EHMT1: variants seen among roughly 807,000 people sequenced by gnomAD.
The protein encoded by EHMT1 is euchromatic histone lysine methyltransferase 1.
In EHMT1, 15 loss-of-function variants were observed where a neutral mutation model predicts 147.2. That is an observed-to-expected ratio of 0.10 (90% CI 0.07 to 0.16). The LOEUF is 0.16. EHMT1 is among the 10% of genes least tolerant of loss of function. EHMT1 has a pLI of 1.00. For synonymous variants in EHMT1, 795 were observed against 709.6 expected (o/e 1.12, Z -1.91); for missense variants, 1,587 against 1,772.4 (o/e 0.90, Z 1.88).
At chr9:137,724,667 A>C (rs894231141) in intron 3 of EHMT1, among the ~76,000 whole-genome samples, 1 of 152,202 alleles carries the variant, frequency 6.6e-6, no homozygotes, top group African/African-American at 2.4e-5. Context: ...CACCAGCTGA[A>C]GGGGAGAGCC....
intron 1 of EHMT1, chr9:137,641,535 C>T (rs1264741905): frequency 2.8e-6 from 1 of 356,724 alleles, no homozygotes; most frequent in South Asian, 2.3e-5. Flanking sequence ...GGAATCAATT[C>T]TCATCTGCCC....
intron 5 of EHMT1, 21 bp from the exon 6 acceptor site, chr9:137,743,881 A>T: frequency 8.1e-6 from 13 of 1,601,638 alleles, no homozygotes; most frequent in Non-Finnish European, 1.1e-5. Flanking sequence ...GCCTTGGGGT[A>T]TACACCTGCC....
At chr9:137,691,163 TC>T (rs1306413459) in intron 1 of EHMT1, among the ~76,000 whole-genome samples, 2 of 152,050 alleles carry the variant, frequency 1.3e-5, no homozygotes, top group African/African-American at 4.8e-5. Flanking sequence ...ACTTGGACTA[TC>T]TAGGGACCTT....
At position 137,776,574 on chromosome 9, in the gene EHMT1, A is replaced by AC; in HGVS notation, c.1792-40dup. 1 of 1,597,568 alleles carries AC rather than the reference A, an allele frequency of 6.3e-7. No homozygotes were observed. Among genetic ancestry groups the AC allele is most frequent in the Non-Finnish European group, 8.6e-7 (1 of 1,165,950 alleles). ...TAGTACTTTATTTTTCTAAATATTA[A>AC]CCCCAATTAAAACAAAAATTTTTTT... On this transcript the variant is annotated intron_variant, in intron 11 of 26. Transcript: ENST00000460843. This position sits in a 1 kb window ranked among gnomAD's most constrained non-coding sequence, Gnocchi z 4.4.
rs1277240810 is a variant in EHMT1 at position 137,793,734 on chromosome 9, T to C, written c.2505+2764T>C. On this transcript the variant is annotated intron_variant, in intron 16 of 26. Coordinates refer to ENST00000460843, the MANE Select transcript of EHMT1 (RefSeq NM_024757.5). ...TAAAAAGTAATGAAATTTTGACCTA[T>C]GAACAGCATGGATGGACCTCGAGGA... 2.6e-5 allele frequency among the ~76,000 whole-genome samples: 4 copies of C among 152,142 alleles called. No individual in the cohort carries two copies. The East Asian group carries it at 5.8e-4, about 22-fold the overall frequency.
chr9:137,697,439 C>G (rs1052985784), intron 1 of EHMT1, among the ~76,000 whole-genome samples: 4 of 152,180 alleles, frequency 2.6e-5, no homozygotes, highest in Non-Finnish European at 4.4e-5. Context: ...GATCGGCCGG[C>G]CTGGCCTTGT....
intron 7 of EHMT1, among the ~76,000 whole-genome samples, chr9:137,753,653 G>T (rs776158957): frequency 6.6e-6 from 1 of 152,256 alleles, no homozygotes; most frequent in Non-Finnish European, 1.5e-5. Context: ...GTGCATCCGT[G>T]TGTGACATGT....
chr9:137,781,734 CT>C (rs1829233248), intron 14 of EHMT1, among the ~76,000 whole-genome samples: 2 of 152,320 alleles, frequency 1.3e-5, no homozygotes, highest in South Asian at 4.1e-4. Context: ...AAGCCCTTTA[CT>C]GGACAGTACG....
intron 1 of EHMT1, among the ~76,000 whole-genome samples, chr9:137,693,581 CA>C (rs1943124064): frequency 6.6e-6 from 1 of 150,634 alleles, no homozygotes; most frequent in Non-Finnish European, 1.5e-5. Context: ...ACCCCCCACA[CA>C]GTGGCACAGG....
chr9:137,800,893 G>T lies in EHMT1; in HGVS notation c.2621G>T (p.Trp874Leu). 6.2e-7 allele frequency: 1 copy of T among 1,614,100 alleles called. No homozygotes were observed. The highest frequency in any genetic ancestry group is 8.5e-7 in the Non-Finnish European group (1 of 1,180,016). Residue 874 changes from tryptophan to leucine, a missense_variant, in exon 18 of 27, where the codon TGG becomes TTG. By Grantham distance (61) the Trp-to-Leu change is moderately conservative. Transcript: ENST00000460843. ...MDVNCQDDGG[W>L]TPMIWATEYK... is the part of the protein sequence containing the mutation. ...CTTCCCTGGCAGGATGACGGAGGCT[G>T]GACACCCATGATCTGGGCCACAGAG...
chr9:137,717,316 G>A (rs1468327651), intron 3 of EHMT1, 134 bp downstream of exon 3: 2 of 1,201,988 alleles, frequency 1.7e-6, no homozygotes, highest in Non-Finnish European at 2.4e-6. Context: ...GAGGAGCTAG[G>A]AGAAGGCCGG....
intron 1 of EHMT1, among the ~76,000 whole-genome samples, chr9:137,657,164 A>G (rs1010992584): frequency 2.6e-5 from 4 of 152,242 alleles, no homozygotes; most frequent in East Asian, 1.9e-4. Flanking sequence ...TAGACAAGGA[A>G]GGGCACATGG....
intron 8 of EHMT1, among the ~76,000 whole-genome samples, chr9:137,756,300 G>A (rs1949373357): frequency 6.6e-6 from 1 of 152,210 alleles, no homozygotes; most frequent in African/African-American, 2.4e-5. Context: ...TCCACCTGTT[G>A]ACATTCAGTG....
rs374383120 is a variant in EHMT1 at position 137,776,235 on chromosome 9, C to T, written c.1792-383C>T. On this transcript the variant is annotated intron_variant, in intron 11 of 26. Transcript: ENST00000460843. This position sits in a 1 kb window ranked among gnomAD's most constrained non-coding sequence, Gnocchi z 4.4. Reference sequence around the variant, plus strand: ...TGCTGCGCACTGCTGGGCACTGAGGCAGCTCCACCTGCCTGATGCTGTGCC... The same window carrying T: ...TGCTGCGCACTGCTGGGCACTGAGGTAGCTCCACCTGCCTGATGCTGTGCC... Among the ~76,000 whole-genome samples, 123 of 152,286 alleles carry T rather than the reference C, an allele frequency of 8.1e-4. 1 individual carries two copies. Among genetic ancestry groups the T allele is most frequent in the African/African-American group, 2.9e-3 (119 of 41,566 alleles).
At position 137,782,279 on chromosome 9, in the gene EHMT1, G is replaced by A. The variant is rs2136891900; in HGVS notation, c.2276-12G>A. On this transcript the variant is annotated splice_polypyrimidine_tract_variant and intron_variant, in intron 14 of 26. Transcript: ENST00000460843. The surrounding 1 kb of genome is among the most constrained non-coding windows in gnomAD (Gnocchi z 5.7). Reference sequence around the variant, plus strand: ...CATCTGAAATCATTAATAAAACTGTGTTTGTTCACAGTGGACGGAATTGAC... The same window carrying A: ...CATCTGAAATCATTAATAAAACTGTATTTGTTCACAGTGGACGGAATTGAC... 6.2e-7 allele frequency: 1 copy of A among 1,609,880 alleles called. No individual in the cohort carries two copies. The highest frequency in any genetic ancestry group is 8.5e-7 in the Non-Finnish European group (1 of 1,177,060).
At chr9:137,687,606 A>C (rs1242427107) in intron 1 of EHMT1, among the ~76,000 whole-genome samples, 1 of 152,132 alleles carries the variant, frequency 6.6e-6, no homozygotes, top group Non-Finnish European at 1.5e-5. Context: ...TTTTGTCATG[A>C]GGCAGAGTTT....
Position 137,716,829 on chromosome 9 carries a change from T to C in EHMT1, c.289T>C (p.Ser97Pro), listed in dbSNP as rs1218221609. Residue 97 changes from serine to proline, a missense_variant, in exon 3 of 27, where the codon TCA becomes CCA. Around this residue, in one of 7 missense-constraint regions of EHMT1, gnomAD observed 810 missense variants for 673.0 expected, o/e 1.20. Transcript: ENST00000460843. ...AACTCGGATAGCGGAAAATGGGGTTTCAGAAAGAGACTCAGAAGCGGCGAA... is the reference window on the plus strand; with the variant it reads ...AACTCGGATAGCGGAAAATGGGGTTCCAGAAAGAGACTCAGAAGCGGCGAA... Reference protein sequence around the residue: ...TLTRIAENGVSERDSEAAKQN... With the variant: ...TLTRIAENGVPERDSEAAKQN... 1 of 1,613,262 alleles carries C rather than the reference T, an allele frequency of 6.2e-7. No individual in the cohort carries two copies. Among genetic ancestry groups the C allele is most frequent in the African/African-American group, 1.3e-5 (1 of 74,988 alleles).
intron 8 of EHMT1, among the ~76,000 whole-genome samples, chr9:137,755,760 C>T (rs1453289012): frequency 6.6e-6 from 1 of 152,206 alleles, no homozygotes; most frequent in Non-Finnish European, 1.5e-5. Flanking sequence ...TCCAGTGGAT[C>T]TGTGGGTGTG....
intron 10 of EHMT1, among the ~76,000 whole-genome samples, chr9:137,772,026 A>T (rs1950618148): frequency 6.6e-6 from 1 of 151,710 alleles, no homozygotes; most frequent in African/African-American, 2.4e-5. Flanking sequence ...CACCATGCAG[A>T]GCCTGTGGGC....
Sources: allele counts gnomAD v4.1 joint callset (sites outside exome capture counted in the v4.1 genomes callset), GRCh38; gene constraint gnomAD v4.1.1; regional missense constraint gnomAD v4.1.1; non-coding constraint Gnocchi (gnomAD v3.1); transcripts MANE v1.5; gene names NCBI Gene and HGNC (gene_info 2026-07-23, HGNC 2026-07-21).